HPCAL1: variants seen among roughly 807,000 people sequenced by gnomAD.
The protein encoded by HPCAL1 is hippocalcin-like protein 1.
A neutral mutation model predicts 17.1 loss-of-function variants in HPCAL1; 8 were observed. The observed-to-expected ratio is 0.47, with a 90% CI of 0.27 to 0.84. The LOEUF (loss-of-function observed/expected upper bound fraction) is 0.84. Among genes scored for constraint, HPCAL1 ranks in the 40% least tolerant of loss-of-function variants. The pLI, the probability that HPCAL1 is intolerant of heterozygous loss-of-function variation, is 0.13. For synonymous variants in HPCAL1, 112 were observed against 111.4 expected (o/e 1.01, Z -0.03); for missense variants, 165 against 271.1 (o/e 0.61, Z 2.75).
At chr2:10,393,727 G>T (rs1207602833) in intron 1 of HPCAL1, among the ~76,000 whole-genome samples, 1 of 152,184 alleles carries the variant, frequency 6.6e-6, no homozygotes, top group Admixed American at 6.5e-5. Context: ...GAGCGTGCCA[G>T]CAGGCTTGTG....
intron 2 of HPCAL1, among the ~76,000 whole-genome samples, chr2:10,410,920 G>A (rs1297739151): frequency 6.6e-6 from 1 of 152,118 alleles, no homozygotes; most frequent in Non-Finnish European, 1.5e-5. Flanking sequence ...ACAGCAGCAT[G>A]CAGCATTCCC....
At chr2:10,393,487 T>C (rs991144252) in intron 1 of HPCAL1, among the ~76,000 whole-genome samples, 1 of 152,252 alleles carries the variant, frequency 6.6e-6, no homozygotes, top group African/African-American at 2.4e-5. Context: ...TCACAGGATG[T>C]GCCCAAGGCA....
chr2:10,417,508 G>T (rs1379700799), intron 2 of HPCAL1, among the ~76,000 whole-genome samples: 1 of 152,162 alleles, frequency 6.6e-6, no homozygotes, highest in Non-Finnish European at 1.5e-5. Context: ...CTCATAAATG[G>T]TAACAAGCTC....
chr2:10,328,491 G>A (rs1201211718), intron 1 of HPCAL1, among the ~76,000 whole-genome samples: 9 of 152,354 alleles, frequency 5.9e-5, no homozygotes, highest in African/African-American at 1.9e-4. Flanking sequence ...CCTCACCAGT[G>A]TGGGTGGATA....
intron 2 of HPCAL1, among the ~76,000 whole-genome samples, chr2:10,410,683 C>G: frequency 6.6e-6 from 1 of 152,028 alleles, no homozygotes; most frequent in South Asian, 2.1e-4. Context: ...ACTGCCCTCC[C>G]CTGGGCCTCC....
At chr2:10,373,561 C>G (rs73914065) in intron 1 of HPCAL1, among the ~76,000 whole-genome samples, 1 of 152,124 alleles carries the variant, frequency 6.6e-6, no homozygotes, top group African/African-American at 2.4e-5. Flanking sequence ...CACAATGTCC[C>G]CTGGGCTGAG....
chr2:10,360,570 C>T (rs1666458968), intron 1 of HPCAL1, among the ~76,000 whole-genome samples: 1 of 152,182 alleles, frequency 6.6e-6, no homozygotes, highest in Non-Finnish European at 1.5e-5. Context: ...CGCCACCACA[C>T]CTGGCAAAAT....
At chr2:10,420,211 T>G in intron 3 of HPCAL1, 76 bp downstream of exon 3, 7 of 661,778 alleles carry the variant, frequency 1.1e-5, no homozygotes, top group Non-Finnish European at 1.3e-5. Context: ...GCCCAGGGCT[T>G]TTTTTTTTTT....
intron 3 of HPCAL1, 64 bp downstream of exon 3, chr2:10,420,199 C>G: frequency 2.2e-6 from 3 of 1,364,476 alleles, no homozygotes; most frequent in Non-Finnish European, 3.0e-6. Context: ...TCCCAGCCCC[C>G]AGCCCAGGGC....
chr2:10,314,397 T>C (rs954398816), intron 1 of HPCAL1, among the ~76,000 whole-genome samples: 8 of 152,032 alleles, frequency 5.3e-5, no homozygotes, highest in African/African-American at 1.9e-4. Context: ...CCTGTTAACT[T>C]CCTATATTAA....
In HPCAL1 at chr2:10,303,093, G is replaced by T. The variant is rs1662370225; in HGVS notation, c.-195G>T. 1 of 151,852 alleles carries T rather than the reference G, an allele frequency of 6.6e-6. No individual in the cohort carries two copies. Among genetic ancestry groups the T allele is most frequent in the Non-Finnish European group, 1.5e-5 (1 of 67,924 alleles). The allele number at this position is 151,852 out of a possible 1,614,324, so 9.4% of individuals were successfully genotyped here. ...TCCCGGCCTCGGCGCGCTTGTCCCG[G>T]GCAGCGGCCCGGGCCCGCTGCAGCC... On this transcript the variant is annotated 5_prime_UTR_variant, in exon 1 of 5. Coordinates refer to ENST00000307845, the MANE Select transcript of HPCAL1 (RefSeq NM_002149.4).
At position 10,426,761 on chromosome 2, in the gene HPCAL1, G is replaced by A. The variant is rs370924623; in HGVS notation, c.522G>A (p.Lys174=). The change falls in exon 5 of 5, where the codon AAG becomes AAA. Residue 174 remains lysine (K), a synonymous_variant. Transcript: ENST00000307845. The part of the protein sequence containing the change: ...LSLEEFIRGA[K]SDPSIVRLLQ... ...TGGAAGAATTCATCAGAGGTGCCAA[G>A]AGCGACCCCTCCATCGTCCGCCTGC... 27 of 1,613,354 alleles carry A rather than the reference G, an allele frequency of 1.7e-5. No homozygotes were observed. Among genetic ancestry groups the A allele is most frequent in the African/African-American group, 2.7e-5 (2 of 74,924 alleles).
At chr2:10,326,859 G>A (rs915850720) in intron 1 of HPCAL1, among the ~76,000 whole-genome samples, 1 of 152,130 alleles carries the variant, frequency 6.6e-6, no homozygotes, top group Non-Finnish European at 1.5e-5. Flanking sequence ...TTGGCAGCTG[G>A]CCATGGCAGC....
intron 1 of HPCAL1, among the ~76,000 whole-genome samples, chr2:10,378,338 G>C (rs1667719022): frequency 6.8e-6 from 1 of 146,166 alleles, no homozygotes; most frequent in Non-Finnish European, 1.5e-5. Flanking sequence ...GGTTGCAGCT[G>C]TTAGTTTTAC....
chr2:10,413,796 C>G (rs145218588), intron 2 of HPCAL1, among the ~76,000 whole-genome samples: 1 of 152,262 alleles, frequency 6.6e-6, no homozygotes, highest in Non-Finnish European at 1.5e-5. Context: ...ATAAATTTCT[C>G]CCTTCGTTCT....
rs924099335 is a variant in HPCAL1, at chr2:10,347,322, T to C, written c.-111+44145T>C. Among the ~76,000 whole-genome samples the C allele has an allele frequency of 1.1e-4, 16 of 152,146 alleles. 1 individual carries two copies. The highest frequency in any genetic ancestry group is 3.6e-4 in the African/African-American group (15 of 41,534). ...GGCAGAGCCCTGTCTCAGAGTCTCA[T>C]GGGGAGCAGGGCCTTCAGGGAAGGC... is the stretch of plus-strand genomic sequence containing the variant. On this transcript the variant is annotated intron_variant, in intron 1 of 4. Transcript: ENST00000307845.
At chr2:10,383,055 A>G (rs1323015232) in intron 1 of HPCAL1, among the ~76,000 whole-genome samples, 1 of 152,030 alleles carries the variant, frequency 6.6e-6, no homozygotes, top group Non-Finnish European at 1.5e-5. Context: ...GCAACCCCTT[A>G]CCATTAGAGT....
intron 1 of HPCAL1, among the ~76,000 whole-genome samples, chr2:10,396,026 C>T (rs772110296): frequency 2.0e-5 from 3 of 152,202 alleles, no homozygotes; most frequent in Non-Finnish European, 4.4e-5. Flanking sequence ...GGGCCCGTCC[C>T]GAGTTCACGC....
chr2:10,416,896 T>C (rs1329518487), intron 2 of HPCAL1, among the ~76,000 whole-genome samples: 1 of 152,142 alleles, frequency 6.6e-6, no homozygotes, highest in African/African-American at 2.4e-5. Flanking sequence ...AGGGGTCCCC[T>C]ATCTGCACAT....
Sources: allele counts gnomAD v4.1 joint callset (sites outside exome capture counted in the v4.1 genomes callset), GRCh38; gene constraint gnomAD v4.1.1; transcripts MANE v1.5; gene names NCBI Gene and HGNC (gene_info 2026-07-23, HGNC 2026-07-21).